RBFOX1: variants seen among roughly 807,000 people sequenced by gnomAD.
RBFOX1 encodes the protein RNA binding protein fox-1 homolog 1.
Under a neutral mutation model 57.7 loss-of-function variants are expected in RBFOX1, and 8 were observed. The ratio of observed to expected loss-of-function variants is 0.14; its 90% CI spans 0.08 to 0.25. The LOEUF is 0.25. Among genes scored for constraint, RBFOX1 ranks in the 10% least tolerant of loss-of-function variants. The pLI, the probability that RBFOX1 is intolerant of heterozygous loss-of-function variation, is 1.00. For synonymous variants in RBFOX1, 326 were observed against 222.4 expected (o/e 1.47, Z -4.15); for missense variants, 611 against 548.5 (o/e 1.11, Z -1.14).
chr16:6,641,119 C>T (rs1277316191), intron 2 of RBFOX1, among the ~76,000 whole-genome samples: 1 of 152,164 alleles, frequency 6.6e-6, no homozygotes, highest in Non-Finnish European at 1.5e-5. Context: ...TAATTGCATC[C>T]TCAAAACCTT....
intron 1 of RBFOX1, among the ~76,000 whole-genome samples, chr16:6,225,674 A>C (rs2097411451): frequency 6.6e-6 from 1 of 152,220 alleles, no homozygotes; most frequent in Non-Finnish European, 1.5e-5. Flanking sequence ...TAATTTAGGC[A>C]TAAAATGTAA....
intron 3 of RBFOX1, among the ~76,000 whole-genome samples, chr16:6,748,269 C>G (rs750221939): frequency 1.9e-4 from 29 of 151,908 alleles, no homozygotes; most frequent in Non-Finnish European, 3.4e-4. Context: ...TTCTCTTTCT[C>G]TCTCTCTCTC....
chr16:6,656,597 T>TACACACAC (rs1430032609), intron 3 of RBFOX1, among the ~76,000 whole-genome samples: 1 of 87,752 alleles, frequency 1.1e-5, no homozygotes, highest in East Asian at 2.5e-4. Flanking sequence ...AAGGGGAAAA[T>TACACACAC]AGACACACAC....
intron 3 of RBFOX1, among the ~76,000 whole-genome samples, chr16:5,626,302 G>C (rs747050601): frequency 6.6e-6 from 1 of 152,194 alleles, no homozygotes; most frequent in Admixed American, 6.5e-5. Flanking sequence ...TCCCTCCTTG[G>C]CTTGTGGATG....
chr16:5,832,682 A>G (rs977334915), intron 3 of RBFOX1, among the ~76,000 whole-genome samples: 1 of 152,196 alleles, frequency 6.6e-6, no homozygotes, highest in East Asian at 1.9e-4. Context: ...AGCCTAATCC[A>G]TAAAATGTCC....
intron 4 of RBFOX1, among the ~76,000 whole-genome samples, chr16:5,989,122 C>G (rs1220823550): frequency 6.6e-6 from 1 of 151,060 alleles, no homozygotes; most frequent in Non-Finnish European, 1.5e-5. Flanking sequence ...GGATCGAGAC[C>G]ATCCTGACTA....
intron 3 of RBFOX1, among the ~76,000 whole-genome samples, chr16:6,971,684 A>T (rs1312163506): frequency 6.6e-6 from 1 of 152,078 alleles, no homozygotes; most frequent in Non-Finnish European, 1.5e-5. Context: ...GATAGAGATG[A>T]CTGTTGTTGG....
In RBFOX1 at chr16:6,685,131, C is replaced by A. The variant is rs148076795; in HGVS notation, c.-16+30481C>A. Among the ~76,000 whole-genome samples, 432 of 152,280 alleles carry A rather than the reference C, an allele frequency of 2.8e-3. 5 individuals are homozygous for A. Among genetic ancestry groups the A allele is most frequent in the Middle Eastern group, 0.01 (3 of 294 alleles). ...TCCAGAAAGGAATGCTAAATAAATA[C>A]GAGCTGTCACCTTTTATATTCCATT... On this transcript the variant is annotated intron_variant, in intron 3 of 15. Transcript: ENST00000550418.
chr16:5,651,485 G>A (rs73512416), intron 3 of RBFOX1, among the ~76,000 whole-genome samples: 3,866 of 152,198 alleles, frequency 0.025, 167 homozygotes, highest in African/African-American at 0.085. Context: ...CTTGCAGAAC[G>A]GAGGGACCAA....
intron 3 of RBFOX1, among the ~76,000 whole-genome samples, chr16:5,751,407 G>T (rs190685996): frequency 2.6e-5 from 4 of 152,292 alleles, no homozygotes; most frequent in African/African-American, 7.2e-5. Context: ...TCTCTGTGAA[G>T]CAAGTGGGCG....
intron 3 of RBFOX1, among the ~76,000 whole-genome samples, chr16:5,674,798 C>T (rs2050116250): frequency 6.6e-6 from 1 of 152,126 alleles, no homozygotes; most frequent in African/African-American, 2.4e-5. Context: ...ATCTGTTGGA[C>T]AGATTCAGAT....
intron 3 of RBFOX1, among the ~76,000 whole-genome samples, chr16:7,049,656 G>T (rs1457843485): frequency 6.6e-6 from 1 of 152,042 alleles, no homozygotes; most frequent in East Asian, 1.9e-4. Context: ...CACCACTTAT[G>T]TGGCGGTACT....
At chr16:7,135,866 T>G (rs1200291297) in intron 4 of RBFOX1, among the ~76,000 whole-genome samples, 1 of 152,226 alleles carries the variant, frequency 6.6e-6, no homozygotes, top group East Asian at 1.9e-4. Flanking sequence ...CTAGAATAAT[T>G]CAAAGAAAGC....
chr16:7,189,588 T>TACACAC (rs1423548394), intron 4 of RBFOX1, among the ~76,000 whole-genome samples: 3 of 126,686 alleles, frequency 2.4e-5, no homozygotes, highest in Non-Finnish European at 5.0e-5. Flanking sequence ...CACACACACA[T>TACACAC]ACACACACAA....
chr16:5,804,512 A>C (rs778468167), intron 3 of RBFOX1, among the ~76,000 whole-genome samples: 1 of 152,176 alleles, frequency 6.6e-6, no homozygotes, highest in Non-Finnish European at 1.5e-5. Flanking sequence ...CTAAACTGAT[A>C]AATCTGAGGA....
chr16:7,414,164 C>T (rs1010351000), intron 4 of RBFOX1, among the ~76,000 whole-genome samples: 8 of 152,206 alleles, frequency 5.3e-5, no homozygotes, highest in African/African-American at 1.7e-4. Context: ...ACTTAGTTAT[C>T]CAACAAGTGT....
At chr16:6,244,825 C>T (rs1268745355) in intron 1 of RBFOX1, among the ~76,000 whole-genome samples, 1 of 152,134 alleles carries the variant, frequency 6.6e-6, no homozygotes, top group South Asian at 2.1e-4. Flanking sequence ...TACTTTTGTT[C>T]ATGCTTTTGG....
chr16:7,134,681 G>A (rs754762185), intron 4 of RBFOX1, among the ~76,000 whole-genome samples: 5 of 152,152 alleles, frequency 3.3e-5, no homozygotes, highest in Non-Finnish European at 7.3e-5. Flanking sequence ...ATCAACAGAG[G>A]CTACTTAGAA....
intron 4 of RBFOX1, among the ~76,000 whole-genome samples, chr16:7,351,071 C>G (rs183891358): frequency 6.6e-6 from 1 of 152,194 alleles, no homozygotes; most frequent in Non-Finnish European, 1.5e-5. Context: ...TTCGGGATGG[C>G]TGGTTTTCCT....
Sources: allele counts gnomAD v4.1 joint callset (sites outside exome capture counted in the v4.1 genomes callset), GRCh38; gene constraint gnomAD v4.1.1; transcripts MANE v1.5; gene names NCBI Gene and HGNC (gene_info 2026-07-23, HGNC 2026-07-21).